PPP2R2B: variants seen among roughly 807,000 people sequenced by gnomAD.
PPP2R2B encodes the protein protein phosphatase 2 regulatory subunit Bbeta, also known as serine/threonine-protein phosphatase 2A 55 kDa regulatory subunit B beta isoform.
In PPP2R2B, 5 loss-of-function variants were observed where a neutral mutation model predicts 46.0. That is an observed-to-expected ratio of 0.11 (90% CI 0.06 to 0.23). The LOEUF (loss-of-function observed/expected upper bound fraction) is 0.23. PPP2R2B is among the 10% of genes least tolerant of loss of function. The pLI is 1.00. For synonymous variants in PPP2R2B, 215 were observed against 206.7 expected, an observed-to-expected ratio of 1.04 and a Z score of -0.34; for missense variants, 367 against 575.0, an observed-to-expected ratio of 0.64 and a Z score of 3.70.
At chr5:146,812,793 G>GTGTATATA (rs1420313412) in intron 2 of PPP2R2B, among the ~76,000 whole-genome samples, 1 of 12,114 alleles carries the variant, frequency 8.3e-5, no homozygotes, top group South Asian at 6.2e-3. Context: ...GTATATGTGT[G>GTGTATATA]TATATATATA....
At chr5:146,736,774 A>T (rs1344404021) in intron 2 of PPP2R2B, among the ~76,000 whole-genome samples, 1 of 152,218 alleles carries the variant, frequency 6.6e-6, no homozygotes, top group Non-Finnish European at 1.5e-5. Flanking sequence ...GCAGGATTGC[A>T]GCTTTGTGTT....
At chr5:146,838,249 G>T (rs1314444478) in intron 2 of PPP2R2B, among the ~76,000 whole-genome samples, 1 of 152,088 alleles carries the variant, frequency 6.6e-6, no homozygotes, top group Non-Finnish European at 1.5e-5. Context: ...TGAAATACAG[G>T]GTGGTTAGGG....
chr5:146,680,473 C>A (rs541909221), intron 5 of PPP2R2B, among the ~76,000 whole-genome samples: 7 of 151,376 alleles, frequency 4.6e-5, no homozygotes, highest in Non-Finnish European at 7.4e-5. Context: ...TGCAGCGCAC[C>A]AGCATGGCAC....
At chr5:147,014,104 A>T (rs1208888436) in intron 1 of PPP2R2B, among the ~76,000 whole-genome samples, 1 of 124,674 alleles carries the variant, frequency 8.0e-6, no homozygotes, top group Admixed American at 8.2e-5. Flanking sequence ...TCAAAAGAAG[A>T]CATTTATGCA....
chr5:146,954,580 G>A (rs996844699), intron 1 of PPP2R2B, among the ~76,000 whole-genome samples: 1 of 151,900 alleles, frequency 6.6e-6, no homozygotes, highest in Non-Finnish European at 1.5e-5. Flanking sequence ...GGTGATGGGT[G>A]CACCAAAATC....
chr5:146,960,849 A>C (rs2151841686), intron 1 of PPP2R2B, among the ~76,000 whole-genome samples: 1 of 152,292 alleles, frequency 6.6e-6, no homozygotes, highest in South Asian at 2.1e-4. Context: ...TTCGTTGTGG[A>C]AGGTACACCT....
intron 8 of PPP2R2B, among the ~76,000 whole-genome samples, chr5:146,598,831 T>A (rs1049143317): frequency 6.6e-6 from 1 of 152,112 alleles, no homozygotes; most frequent in Admixed American, 6.6e-5. Flanking sequence ...TCTTCCAATG[T>A]CCCTCCCACA....
At position 146,925,279 on chromosome 5, in the gene PPP2R2B, C is replaced by A. The variant is rs185585321; in HGVS notation, c.79+130386G>T. 9.2e-5 allele frequency among the ~76,000 whole-genome samples: 14 copies of A among 152,196 alleles called. No homozygotes were observed. In the East Asian group the frequency reaches 2.3e-3, roughly 25 times the overall value. On this transcript the variant is annotated intron_variant, in intron 1 of 8. Coordinates refer to the PPP2R2B transcript ENST00000336640. ...GTGGATTTGTGCTATCATAGAGTAC[C>A]ATTTCCGGAAGGCCTTCCTTCCTTT...
chr5:146,949,605 G>A (rs1764590608), intron 1 of PPP2R2B, among the ~76,000 whole-genome samples: 1 of 152,020 alleles, frequency 6.6e-6, no homozygotes, highest in South Asian at 2.1e-4. Flanking sequence ...AGAACAGTAT[G>A]TAGATTCCTC....
chr5:146,755,691 G>T (rs1436593340), intron 2 of PPP2R2B, among the ~76,000 whole-genome samples: 1 of 152,176 alleles, frequency 6.6e-6, no homozygotes, highest in Non-Finnish European at 1.5e-5. Context: ...AAATCAAAGA[G>T]GTTTTGTTGT....
At chr5:146,981,435 T>G (rs1452993307) in intron 1 of PPP2R2B, among the ~76,000 whole-genome samples, 1 of 152,154 alleles carries the variant, frequency 6.6e-6, no homozygotes, top group African/African-American at 2.4e-5. Flanking sequence ...TTTCTGGCTT[T>G]TATTGTTTTC....
intron 2 of PPP2R2B, chr5:146,706,990 A>AC: frequency 1.0e-6 from 1 of 983,506 alleles, no homozygotes; most frequent in Non-Finnish European, 1.6e-6. Flanking sequence ...CTCCAGCTCT[A>AC]CCTCGTTAAT....
intron 1 of PPP2R2B, among the ~76,000 whole-genome samples, chr5:146,965,163 T>C (rs1222368234): frequency 6.6e-6 from 1 of 152,172 alleles, no homozygotes; most frequent in African/African-American, 2.4e-5. Context: ...GAATCAGGCT[T>C]AGATTCCCAA....
chr5:146,661,125 G>T (rs1334296861), intron 5 of PPP2R2B, among the ~76,000 whole-genome samples: 1 of 152,200 alleles, frequency 6.6e-6, no homozygotes, highest in Non-Finnish European at 1.5e-5. Context: ...GAGCGATTTT[G>T]CCACTGGGCA....
intron 2 of PPP2R2B, among the ~76,000 whole-genome samples, chr5:146,756,378 TAAAG>T (rs897953211): frequency 6.6e-6 from 1 of 152,162 alleles, no homozygotes; most frequent in Non-Finnish European, 1.5e-5. Context: ...ATGGACACAC[TAAAG>T]AAATAATGAT....
At chr5:146,870,760 C>CT (rs1761570461) in intron 2 of PPP2R2B, among the ~76,000 whole-genome samples, 1 of 152,128 alleles carries the variant, frequency 6.6e-6, no homozygotes, top group Non-Finnish European at 1.5e-5. Flanking sequence ...CTCCATACAT[C>CT]TTTTTTCCCC....
intron 2 of PPP2R2B, among the ~76,000 whole-genome samples, chr5:146,724,057 A>C (rs1211072942): frequency 6.6e-6 from 1 of 152,142 alleles, no homozygotes; most frequent in Non-Finnish European, 1.5e-5. Context: ...TAGATTCTCA[A>C]TATATATTTG....
At chr5:146,955,169 T>C (rs908284224) in intron 1 of PPP2R2B, among the ~76,000 whole-genome samples, 2 of 152,200 alleles carry the variant, frequency 1.3e-5, no homozygotes, top group African/African-American at 4.8e-5. Context: ...TGCTAAAATA[T>C]AATACATTAT....
At chr5:146,929,920 C>T (rs1016441057) in intron 1 of PPP2R2B, among the ~76,000 whole-genome samples, 7 of 152,214 alleles carry the variant, frequency 4.6e-5, no homozygotes, top group South Asian at 2.1e-4. Flanking sequence ...ATAGTAAGAA[C>T]TCCCACAATT....
Sources: gnomAD v4.1 joint callset for allele counts (sites outside exome capture counted in the v4.1 genomes callset) on GRCh38, gnomAD v4.1.1 for gene constraint, MANE v1.5 for transcripts, NCBI Gene and HGNC (gene_info 2026-07-23, HGNC 2026-07-21) for gene names.